Variants in RANBP17 observed in about 807,000 individuals in gnomAD.
The protein encoded by RANBP17 is ran-binding protein 17.
Under a neutral mutation model 141.2 loss-of-function variants are expected in RANBP17, and 158 were observed. The observed-to-expected ratio is 1.12, with a 90% CI of 0.98 to 1.28. RANBP17 has a LOEUF of 1.28. RANBP17 is among the 50% of genes most tolerant of loss of function. The pLI is 0.00. For missense variants in RANBP17, 1,438 were observed against 1,290.7 expected (o/e 1.11, Z -1.75); for synonymous variants, 430 against 450.0 (o/e 0.96, Z 0.56).
intron 14 of RANBP17, among the ~76,000 whole-genome samples, chr5:171,021,534 C>G (rs1780855998): frequency 2.0e-5 from 3 of 152,188 alleles, no homozygotes; most frequent in Admixed American, 2.0e-4. Context: ...TCTTCAATCT[C>G]TGATATCTTT....
At chr5:171,036,881 A>T (rs2127627288) in intron 14 of RANBP17, among the ~76,000 whole-genome samples, 1 of 152,202 alleles carries the variant, frequency 6.6e-6, no homozygotes, top group Middle Eastern at 3.4e-3. Flanking sequence ...GCTATTGTGG[A>T]TAGTGCTGCA....
At chr5:171,191,072 T>C (rs1275269238) in intron 18 of RANBP17, among the ~76,000 whole-genome samples, 2 of 152,196 alleles carry the variant, frequency 1.3e-5, no homozygotes, top group African/African-American at 4.8e-5. Flanking sequence ...TGTAAAGAGA[T>C]AGTTCTATCT....
intron 14 of RANBP17, among the ~76,000 whole-genome samples, chr5:171,008,837 A>G (rs1169538492): frequency 6.6e-6 from 1 of 152,168 alleles, no homozygotes. Flanking sequence ...TTGGGCTCAG[A>G]GGCCTGACAT....
At chr5:171,043,801 C>T (rs1425853587) in intron 14 of RANBP17, among the ~76,000 whole-genome samples, 1 of 152,088 alleles carries the variant, frequency 6.6e-6, no homozygotes. Context: ...GAGTCTAGAA[C>T]TTTTCTGCTA....
At chr5:170,971,255 A>G (rs1044679314) in intron 14 of RANBP17, among the ~76,000 whole-genome samples, 5 of 152,236 alleles carry the variant, frequency 3.3e-5, no homozygotes, top group Non-Finnish European at 5.9e-5. Flanking sequence ...TAGAAGTCCT[A>G]TATGTGAGAA....
intron 14 of RANBP17, among the ~76,000 whole-genome samples, chr5:171,003,075 A>C (rs1779334427): frequency 6.6e-6 from 1 of 152,232 alleles, no homozygotes; most frequent in Non-Finnish European, 1.5e-5. Flanking sequence ...AGGGCCTCTG[A>C]AAGTATTAGG....
At chr5:171,012,068 G>A (rs10070758) in intron 14 of RANBP17, among the ~76,000 whole-genome samples, 96,426 of 150,464 alleles carry the variant, frequency 0.64, 31,455 homozygotes, top group South Asian at 0.87. Flanking sequence ...TTGTTTAAAC[G>A]AATATATTGT....
Position 171,199,680 on chromosome 5 carries a change from G to T in RANBP17, c.2049G>T (p.Glu683Asp). ...TTGTTTCTCTGATAGGTGAAGATGA[G>T]GATGAATTTGAGAATTTCATGCTGC... ...RLLMVDLGED[E>D]DEFENFMLPL... Residue 683 changes from glutamate to aspartate, a missense_variant, in exon 19 of 28, where the codon GAG becomes GAT. Glu to Asp is a conservative substitution (Grantham distance 45). Coordinates refer to ENST00000523189, the MANE Select transcript of RANBP17 (RefSeq NM_022897.5). 6.2e-7 allele frequency: 1 copy of T among 1,605,742 alleles called. No homozygotes were observed. Among genetic ancestry groups the T allele is most frequent in the African/African-American group, 1.3e-5 (1 of 74,810 alleles).
At chr5:170,912,701 G>C in intron 7 of RANBP17, among the ~76,000 whole-genome samples, 1 of 89,366 alleles carries the variant, frequency 1.1e-5, no homozygotes, top group South Asian at 1.2e-3. Flanking sequence ...TTTGATAGGA[G>C]GAAAAAAAAA....
chr5:171,001,802 T>C (rs1347127445), intron 14 of RANBP17, among the ~76,000 whole-genome samples: 2 of 151,990 alleles, frequency 1.3e-5, no homozygotes, highest in Non-Finnish European at 2.9e-5. Flanking sequence ...TTGGACTGTA[T>C]AGAGGTGGGA....
chr5:170,999,337 A>G (rs944970273), intron 14 of RANBP17, among the ~76,000 whole-genome samples: 5 of 152,130 alleles, frequency 3.3e-5, no homozygotes, highest in Non-Finnish European at 5.9e-5. Context: ...TTCAATTGGT[A>G]TAAGCTGGCT....
At position 170,977,902 on chromosome 5, in the gene RANBP17, C is replaced by T. The variant is rs376214342; in HGVS notation, c.1710+9525C>T. The stretch of plus-strand genomic sequence containing the variant: ...AATACCTTTGTGGTGTTGAAATATT[C>T]TGAAATTGATTGTGGTGATGGCTGC... On this transcript the variant is annotated intron_variant, in intron 14 of 27. Coordinates refer to ENST00000523189, the MANE Select transcript of RANBP17 (RefSeq NM_022897.5). Among the ~76,000 whole-genome samples the T allele has an allele frequency of 4.1e-4, 62 of 151,996 alleles. 1 individual carries two copies. The South Asian group carries it at 0.012, about 31-fold the overall frequency.
intron 1 of RANBP17, among the ~76,000 whole-genome samples, 192 bp downstream of exon 1, chr5:170,862,243 G>C (rs1260930063): frequency 6.6e-6 from 1 of 152,178 alleles, no homozygotes; most frequent in East Asian, 1.9e-4. Flanking sequence ...CCCCAGGCCC[G>C]GGCCGGAGCC....
Position 170,892,301 on chromosome 5 carries a change from C to G in RANBP17, c.257-86C>G. On this transcript the variant is annotated intron_variant, in intron 3 of 27. Coordinates refer to ENST00000523189, the MANE Select transcript of RANBP17 (RefSeq NM_022897.5). The stretch of plus-strand genomic sequence containing the variant: ...GTCCTAATGCTCTCCCTCCCCTTCC[C>G]CCACCCCCACCTCTCTTTCTTCATA... 3.4e-6 allele frequency: 2 copies of G among 582,936 alleles called. 1 individual carries two copies. The highest frequency in any genetic ancestry group is 6.6e-5 in the East Asian group (2 of 30,442). 36.1% of individuals were successfully genotyped at this position (582,936 alleles called of 1,614,324 possible).
chr5:171,005,507 T>G (rs1441688270), intron 14 of RANBP17, among the ~76,000 whole-genome samples: 1 of 152,206 alleles, frequency 6.6e-6, no homozygotes, highest in Non-Finnish European at 1.5e-5. Context: ...GATTCTCTAT[T>G]TAATAAATGG....
At chr5:170,940,842 C>T (rs559235636) in intron 12 of RANBP17, among the ~76,000 whole-genome samples, 2 of 151,400 alleles carry the variant, frequency 1.3e-5, no homozygotes, top group East Asian at 1.9e-4. Context: ...ATTGTCCAAG[C>T]ATTAGCATAT....
intron 20 of RANBP17, among the ~76,000 whole-genome samples, chr5:171,208,103 T>C (rs1028164670): frequency 6.6e-6 from 1 of 152,376 alleles, no homozygotes; most frequent in East Asian, 1.9e-4. Context: ...ATGTGTGTTC[T>C]TTAATTTGTT....
At chr5:170,907,974 T>C (rs1183244813) in intron 5 of RANBP17, among the ~76,000 whole-genome samples, 1 of 151,876 alleles carries the variant, frequency 6.6e-6, no homozygotes, top group Non-Finnish European at 1.5e-5. Context: ...CACAATGAAA[T>C]ACCATTTCAC....
intron 14 of RANBP17, among the ~76,000 whole-genome samples, chr5:171,055,143 G>A (rs891957033): frequency 1.4e-4 from 22 of 152,262 alleles, no homozygotes; most frequent in African/African-American, 5.1e-4. Context: ...CATGAACTGG[G>A]CCACTGTCGG....
Sources: allele counts gnomAD v4.1 joint callset (sites outside exome capture counted in the v4.1 genomes callset), GRCh38; gene constraint gnomAD v4.1.1; transcripts MANE v1.5; gene names NCBI Gene and HGNC (gene_info 2026-07-23, HGNC 2026-07-21).